The following WIF1 variants were observed in gnomAD, a reference collection of about 807,000 sequenced individuals.
The protein encoded by WIF1 is Wnt inhibitory factor 1.
A neutral mutation model predicts 53.5 loss-of-function variants in WIF1; 35 were observed. The observed-to-expected ratio is 0.65, with a 90% confidence interval of 0.50 to 0.87. The LOEUF (loss-of-function observed/expected upper bound fraction) is 0.87. WIF1 is among the 40% of genes least tolerant of loss of function. WIF1 has a pLI of 0.00. For missense variants in WIF1, 467 were observed against 476.8 expected (o/e 0.98, Z 0.19); for synonymous variants, 171 against 170.4 (o/e 1.00, Z -0.03).
rs1251796281 is a variant in WIF1, at chr12:65,120,570, T to C, written c.149-14A>G. The C allele has an allele frequency of 1.2e-6, 2 of 1,600,544 alleles. No homozygotes were observed. The highest frequency in any genetic ancestry group is 1.4e-5 in the African/African-American group (1 of 73,890). ...CTTCTTCAAATCCTGGTTTTTAAAATAATAAAACGATCAAACCAGGTAGAC... is the reference window on the plus strand; with the variant it reads ...CTTCTTCAAATCCTGGTTTTTAAAACAATAAAACGATCAAACCAGGTAGAC... On this transcript the variant is annotated splice_polypyrimidine_tract_variant and intron_variant, in intron 1 of 9. Coordinates refer to ENST00000286574, the MANE Select transcript of WIF1 (RefSeq NM_007191.5).
intron 2 of WIF1, among the ~76,000 whole-genome samples, chr12:65,106,859 A>T (rs1033660778): frequency 5.9e-5 from 9 of 152,240 alleles, no homozygotes; most frequent in Admixed American, 5.9e-4. Flanking sequence ...ATGGAGAGAT[A>T]ACTCAAAACT....
intron 2 of WIF1, among the ~76,000 whole-genome samples, chr12:65,111,207 C>T (rs754334910): frequency 4.6e-5 from 7 of 152,116 alleles, no homozygotes; most frequent in Non-Finnish European, 1.0e-4. Flanking sequence ...TCCTCTTTAC[C>T]CCTGATCTCC....
chr12:65,069,074 C>G (rs1268879572), intron 3 of WIF1, among the ~76,000 whole-genome samples, 170 bp from the exon 4 acceptor site: 1 of 152,112 alleles, frequency 6.6e-6, no homozygotes, highest in Non-Finnish European at 1.5e-5. Flanking sequence ...CTGGGCTCCA[C>G]AGAAGTTGAG....
At chr12:65,102,819 A>G (rs924811985) in intron 2 of WIF1, among the ~76,000 whole-genome samples, 5 of 152,134 alleles carry the variant, frequency 3.3e-5, no homozygotes, top group Non-Finnish European at 7.4e-5. Flanking sequence ...GGTAGTTTCA[A>G]TCACATCTCT....
chr12:65,115,895 A>C (rs1883501686), intron 2 of WIF1, among the ~76,000 whole-genome samples: 1 of 152,212 alleles, frequency 6.6e-6, no homozygotes, highest in Non-Finnish European at 1.5e-5. Context: ...CTCCATAGTT[A>C]CGATGACCCA....
intron 9 of WIF1, among the ~76,000 whole-genome samples, chr12:65,052,834 G>A (rs1018241303): frequency 4.6e-5 from 7 of 152,088 alleles, no homozygotes; most frequent in African/African-American, 1.7e-4. Context: ...TCTACCACAC[G>A]AGGGCCCCTA....
intron 6 of WIF1, among the ~76,000 whole-genome samples, chr12:65,066,060 A>G (rs767458853): frequency 4.6e-5 from 7 of 152,166 alleles, no homozygotes; most frequent in Admixed American, 2.0e-4. Context: ...CCAATTTAGG[A>G]CATACTAAAA....
At chr12:65,060,111 GTAAAATGATGCAACTGCTT>G (rs1045310973) in intron 7 of WIF1, among the ~76,000 whole-genome samples, 2 of 151,692 alleles carry the variant, frequency 1.3e-5, no homozygotes, top group Non-Finnish European at 2.9e-5. Context: ...TGGTGGGAAT[GTAAAATGATGCAACTGCTT>G]TGGAAAACAG....
intron 7 of WIF1, among the ~76,000 whole-genome samples, chr12:65,061,468 C>T (rs1592387911): frequency 6.6e-6 from 1 of 152,156 alleles, no homozygotes; most frequent in South Asian, 2.1e-4. Context: ...CTTCCTTTTG[C>T]TCTTTCTTGA....
intron 2 of WIF1, among the ~76,000 whole-genome samples, chr12:65,103,216 A>T (rs1863926709): frequency 6.6e-6 from 1 of 152,240 alleles, no homozygotes; most frequent in African/African-American, 2.4e-5. Context: ...ACTGTGAATT[A>T]TCAGTTATTC....
intron 3 of WIF1, among the ~76,000 whole-genome samples, chr12:65,071,072 T>A (rs1430518248): frequency 1.3e-5 from 2 of 151,194 alleles, no homozygotes; most frequent in Non-Finnish European, 3.0e-5. Flanking sequence ...CCGTGTCTAC[T>A]AAAAGCAAAA....
chr12:65,058,727 C>T lies in WIF1; in HGVS notation c.827-2601G>A, dbSNP rs148684408. Among the ~76,000 whole-genome samples the T allele has an allele frequency of 4.5e-3, 692 of 152,218 alleles. 3 individuals are homozygous for T. The highest frequency in any genetic ancestry group is 0.016 in the African/African-American group (653 of 41,534). On this transcript the variant is annotated intron_variant, in intron 7 of 9. Transcript: ENST00000286574. Reference sequence around the variant, plus strand: ...ATTAAATAGTGGAAAACTGAGTCAGCTTGAGAGATGGCACATTTTTACTTA... The same window carrying T: ...ATTAAATAGTGGAAAACTGAGTCAGTTTGAGAGATGGCACATTTTTACTTA...
At chr12:65,103,211 G>A (rs578224094) in intron 2 of WIF1, among the ~76,000 whole-genome samples, 19 of 152,272 alleles carry the variant, frequency 1.2e-4, no homozygotes, top group African/African-American at 4.6e-4. Context: ...CACTTACTGT[G>A]AATTATCAGT....
At chr12:65,092,843 T>C (rs924952090) in intron 2 of WIF1, among the ~76,000 whole-genome samples, 1 of 151,998 alleles carries the variant, frequency 6.6e-6, no homozygotes, top group Non-Finnish European at 1.5e-5. Context: ...GAGCCCATAA[T>C]AACAAGATCA....
chr12:65,097,130 C>T (rs1361002024), intron 2 of WIF1, among the ~76,000 whole-genome samples: 1 of 150,920 alleles, frequency 6.6e-6, no homozygotes, highest in Non-Finnish European at 1.5e-5. Context: ...AAACTAAGAG[C>T]TCTGAAAACT....
chr12:65,077,375 G>GT (rs1555186601), intron 3 of WIF1, among the ~76,000 whole-genome samples: 1 of 152,070 alleles, frequency 6.6e-6, no homozygotes, highest in Non-Finnish European at 1.5e-5. Flanking sequence ...TATCCCATTT[G>GT]CCCCCAATCA....
At position 65,067,735 on chromosome 12, in the gene WIF1, G is replaced by A. The variant is rs149894368; in HGVS notation, c.594C>T (p.Cys198=). The change falls in exon 5 of 10, where the codon TGC becomes TGT. Residue 198 remains cysteine (C), a synonymous_variant. Coordinates refer to ENST00000286574, the MANE Select transcript of WIF1 (RefSeq NM_007191.5). ...GTCCGTGGAACCCATCAGGACACTC[G>A]CAGATGCGTCTTTCATTACAAAAGC... ...NGGFCNERRI[C]ECPDGFHGPH... 88 of 1,613,350 alleles carry A rather than the reference G, an allele frequency of 5.5e-5. 1 individual carries two copies. The African/African-American group carries it at 9.2e-4, about 17-fold the overall frequency.
rs1163415222 is a variant in WIF1 at position 65,066,753 on chromosome 12, ACC to A, written c.635-19_635-18del. 6.4e-7 allele frequency: 1 copy of A among 1,571,654 alleles called. No individual in the cohort carries two copies. Among genetic ancestry groups the A allele is most frequent in the African/African-American group, 1.4e-5 (1 of 72,930 alleles). ...TACAAAGGGCTTATAGGGAGAGAGA[ACC>A]CTGATTAAGGCCAAATGGTATTTTG... On this transcript the variant is annotated intron_variant, in intron 5 of 9. Coordinates refer to ENST00000286574, the MANE Select transcript of WIF1 (RefSeq NM_007191.5).
intron 2 of WIF1, among the ~76,000 whole-genome samples, chr12:65,112,541 G>A (rs551676479): frequency 6.6e-5 from 10 of 151,510 alleles, no homozygotes; most frequent in Admixed American, 2.0e-4. Flanking sequence ...AACTGTTGCC[G>A]ACCCAACACA....
Sources: allele counts gnomAD v4.1 joint callset (sites outside exome capture counted in the v4.1 genomes callset), GRCh38; gene constraint gnomAD v4.1.1; transcripts MANE v1.5; gene names NCBI Gene and HGNC (gene_info 2026-07-23, HGNC 2026-07-21).